The following HIBCH variants were observed in gnomAD, a reference collection of about 807,000 sequenced individuals.
HIBCH encodes the protein 3-hydroxyisobutyryl-CoA hydrolase, also known as 3-hydroxyisobutyryl-CoA hydrolase, mitochondrial.
A neutral mutation model predicts 58.2 loss-of-function variants in HIBCH; 50 were observed. That is an observed-to-expected ratio of 0.86 (90% CI 0.68 to 1.09). The LOEUF (loss-of-function observed/expected upper bound fraction) is 1.09, where lower values mean the gene tolerates loss of function less well. Ranked by LOEUF, HIBCH falls within the 50% of genes least tolerant of loss-of-function variation. The probability of loss-of-function intolerance (pLI) is 0.00; values close to 1 mark genes in which losing one functional copy is unlikely to be tolerated. For missense variants in HIBCH, 450 were observed against 449.7 expected (o/e 1.00, Z -0.01); for synonymous variants, 151 against 146.9 (o/e 1.03, Z -0.20).
At chr2:190,219,517 T>C (rs568466036) in intron 11 of HIBCH, among the ~76,000 whole-genome samples, 3 of 152,310 alleles carry the variant, frequency 2.0e-5, no homozygotes, top group African/African-American at 4.8e-5. Context: ...GTCTGCAAAA[T>C]AGCTCACTTT....
intron 6 of HIBCH, among the ~76,000 whole-genome samples, chr2:190,286,612 G>A (rs1472413072): frequency 6.6e-6 from 1 of 152,022 alleles, no homozygotes; most frequent in Non-Finnish European, 1.5e-5. Flanking sequence ...TTCTTCAAAG[G>A]CTAATCTTTG....
chr2:190,265,397 CTT>C (rs1229633056), intron 6 of HIBCH, among the ~76,000 whole-genome samples: 2 of 149,810 alleles, frequency 1.3e-5, no homozygotes, highest in African/African-American at 4.9e-5. Flanking sequence ...TGGGTATCCT[CTT>C]TGTGAAATGT....
At chr2:190,189,737 C>T (rs1689627103) in exon 2 of HIBCH, 1 of 152,188 alleles carries the variant, frequency 6.6e-6, no homozygotes, top group Non-Finnish European at 1.5e-5. Flanking sequence ...CTCTCACATC[C>T]AATTTCAAAT....
intron 11 of HIBCH, among the ~76,000 whole-genome samples, chr2:190,240,562 C>A (rs543397705): frequency 6.6e-6 from 1 of 152,174 alleles, no homozygotes; most frequent in East Asian, 1.9e-4. Flanking sequence ...TTCTCTAGTT[C>A]TTTTAACTGT....
At chr2:190,310,045 T>A (rs1688518403) in intron 2 of HIBCH, among the ~76,000 whole-genome samples, 1 of 152,162 alleles carries the variant, frequency 6.6e-6, no homozygotes, top group Non-Finnish European at 1.5e-5. Flanking sequence ...CAGGCAGAAG[T>A]TGGAAGGACT....
intron 1 of HIBCH, among the ~76,000 whole-genome samples, chr2:190,198,032 CTTCAG>C (rs904822339): frequency 3.3e-5 from 5 of 152,292 alleles, no homozygotes; most frequent in Non-Finnish European, 7.3e-5. Context: ...CAGTCCCCAT[CTTCAG>C]TTCAGGCTAG....
intron 2 of HIBCH, among the ~76,000 whole-genome samples, chr2:190,309,272 T>A (rs1455608962): frequency 6.6e-6 from 1 of 152,182 alleles, no homozygotes; most frequent in South Asian, 2.1e-4. Context: ...GGTTTTAGAA[T>A]TGCAAATAAG....
intron 9 of HIBCH, among the ~76,000 whole-genome samples, chr2:190,247,237 T>C (rs1686636002): frequency 6.6e-6 from 1 of 152,176 alleles, no homozygotes; most frequent in Non-Finnish European, 1.5e-5. Flanking sequence ...ACGCTATCAG[T>C]GGTCACCAAA....
At chr2:190,310,300 T>C (rs971408808) in intron 2 of HIBCH, among the ~76,000 whole-genome samples, 4 of 152,236 alleles carry the variant, frequency 2.6e-5, no homozygotes, top group Non-Finnish European at 1.5e-5. Context: ...CGGCCTATCA[T>C]GGGACTTTAT....
At chr2:190,234,965 T>C (rs1686224694) in intron 11 of HIBCH, among the ~76,000 whole-genome samples, 1 of 152,250 alleles carries the variant, frequency 6.6e-6, no homozygotes, top group Non-Finnish European at 1.5e-5. Context: ...AATGTTTCTT[T>C]GTGGCAGACT....
chr2:190,231,678 A>G (rs11695166), intron 11 of HIBCH, among the ~76,000 whole-genome samples: 45,600 of 151,706 alleles, frequency 0.3, 7,737 homozygotes, highest in East Asian at 0.45. Context: ...AGTGCTAGCC[A>G]GTATAGGAAG....
intron 1 of HIBCH, among the ~76,000 whole-genome samples, chr2:190,191,734 C>A (rs1689718767): frequency 6.6e-6 from 1 of 152,194 alleles, no homozygotes; most frequent in Non-Finnish European, 1.5e-5. Context: ...GAGCATCTTT[C>A]ATGTACTTAT....
intron 6 of HIBCH, among the ~76,000 whole-genome samples, chr2:190,277,353 T>C (rs1687580970): frequency 6.6e-6 from 1 of 152,208 alleles, no homozygotes; most frequent in South Asian, 2.1e-4. Context: ...TTTTCTATAC[T>C]GGAAAAAATA....
At position 190,254,080 on chromosome 2, in the gene HIBCH, A is replaced by G. The variant is rs745604594; in HGVS notation, c.518-1773T>C. 1.1e-4 allele frequency among the ~76,000 whole-genome samples: 17 copies of G among 151,214 alleles called. No individual in the cohort carries two copies. Among genetic ancestry groups the G allele is most frequent in the Non-Finnish European group, 2.4e-4 (16 of 67,856 alleles). ...CTTTCCTATATATACATTTTCCTTA[A>G]CTCCTATGACTTTAAATAATATCTA... On this transcript the variant is annotated intron_variant, in intron 7 of 13. Coordinates refer to ENST00000359678, the MANE Select transcript of HIBCH (RefSeq NM_014362.4). The surrounding 1 kb of genome is among the most constrained non-coding windows in gnomAD (Gnocchi z 5.0).
intron 6 of HIBCH, among the ~76,000 whole-genome samples, chr2:190,265,540 T>C (rs536243703): frequency 1.3e-5 from 2 of 151,792 alleles, no homozygotes; most frequent in South Asian, 4.2e-4. Context: ...GTATACCAAA[T>C]ATGTTTTCAG....
intron 11 of HIBCH, among the ~76,000 whole-genome samples, chr2:190,232,144 G>C (rs1686117721): frequency 6.6e-6 from 1 of 152,142 alleles, no homozygotes; most frequent in Non-Finnish European, 1.5e-5. Context: ...GCAGTGAACT[G>C]AGACTGTGCC....
intron 6 of HIBCH, among the ~76,000 whole-genome samples, chr2:190,264,010 C>T (rs1186233633): frequency 1.3e-5 from 2 of 152,200 alleles, no homozygotes; most frequent in Non-Finnish European, 2.9e-5. Context: ...TTTATCCTCT[C>T]TTGCCCAGGC....
chr2:190,273,982 T>C (rs1687478264), intron 6 of HIBCH, among the ~76,000 whole-genome samples: 1 of 152,126 alleles, frequency 6.6e-6, no homozygotes, highest in African/African-American at 2.4e-5. Flanking sequence ...GTTAATTTTT[T>C]GGAGACACAG....
chr2:190,279,091 G>A lies in HIBCH; in HGVS notation c.438+8495C>T, dbSNP rs1687636960. Among the ~76,000 whole-genome samples, 1 of 152,176 alleles carries A rather than the reference G, an allele frequency of 6.6e-6. No individual in the cohort carries two copies. The highest frequency in any genetic ancestry group is 1.5e-5 in the Non-Finnish European group (1 of 68,024). ...ATCTGTTGAGGGCCTTCTTGCTGGT[G>A]GGGACTCTCTGCAGAGCCCTGATCT... On this transcript the variant is annotated intron_variant, in intron 6 of 13. Transcript: ENST00000359678. The surrounding 1 kb of genome is among the most constrained non-coding windows in gnomAD (Gnocchi z 4.2).
Sources: allele counts gnomAD v4.1 joint callset (sites outside exome capture counted in the v4.1 genomes callset), GRCh38; gene constraint gnomAD v4.1.1; non-coding constraint Gnocchi (gnomAD v3.1); transcripts MANE v1.5; gene names NCBI Gene and HGNC (gene_info 2026-07-23, HGNC 2026-07-21).